The following ADGRG6 variants were observed in gnomAD, a reference collection of about 807,000 sequenced individuals.
ADGRG6 encodes adhesion G protein-coupled receptor G6, also known as G-protein coupled receptor 126.
In ADGRG6, 84 loss-of-function variants were observed where a neutral mutation model predicts 142.4. That is an observed-to-expected ratio of 0.59 (90% CI 0.49 to 0.71). ADGRG6 has a LOEUF of 0.71. Among genes scored for constraint, ADGRG6 ranks in the 30% least tolerant of loss-of-function variants. The probability of loss-of-function intolerance (pLI) is 0.00; values close to 1 mark genes in which losing one functional copy is unlikely to be tolerated. For missense variants in ADGRG6, 1,367 were observed against 1,466.6 expected (o/e 0.93, Z 1.11); for synonymous variants, 521 against 520.5 (o/e 1.00, Z -0.01).
chr6:142,422,809 C>A (rs62430161), intron 22 of ADGRG6, among the ~76,000 whole-genome samples: 25,405 of 138,478 alleles, frequency 0.18, 2,020 homozygotes, highest in South Asian at 0.21. Context: ...TATTTCTCCA[C>A]ATCCTCTCCA....
chr6:142,327,329 T>C (rs1030619230), intron 2 of ADGRG6, among the ~76,000 whole-genome samples: 1 of 151,978 alleles, frequency 6.6e-6, no homozygotes, highest in Non-Finnish European at 1.5e-5. Flanking sequence ...CAACTTTCTG[T>C]GTAAACTGGA....
At chr6:142,323,927 A>T (rs964904592) in intron 2 of ADGRG6, among the ~76,000 whole-genome samples, 2 of 151,940 alleles carry the variant, frequency 1.3e-5, no homozygotes, top group African/African-American at 4.8e-5. Context: ...CTTTTATACC[A>T]CTGTATTTTT....
chr6:142,412,973 T>A (rs895067233), intron 18 of ADGRG6, among the ~76,000 whole-genome samples: 4 of 152,118 alleles, frequency 2.6e-5, no homozygotes, highest in Admixed American at 2.6e-4. Flanking sequence ...CTAAATTTTA[T>A]TATGAGTTTG....
chr6:142,405,301 G>GTCCCTT (rs1490399417), intron 14 of ADGRG6: 1 of 455,930 alleles, frequency 2.2e-6, no homozygotes, highest in Non-Finnish European at 4.4e-6. Flanking sequence ...GTTAACTTCA[G>GTCCCTT]TCTCTTTCTC....
chr6:142,323,844 G>A (rs999336725), intron 2 of ADGRG6, among the ~76,000 whole-genome samples: 15 of 152,048 alleles, frequency 9.9e-5, no homozygotes, highest in African/African-American at 3.6e-4. Context: ...TTGGTCTGTC[G>A]TTGACTGAAA....
chr6:142,438,321 T>A lies in ADGRG6; in HGVS notation c.3531T>A (p.Ser1177=). The A allele has an allele frequency of 6.2e-7, 1 of 1,610,298 alleles. No homozygotes were observed. The highest frequency in any genetic ancestry group is 8.5e-7 in the Non-Finnish European group (1 of 1,177,784). ...ACTCAACCTATCTTACATCCAAATC[T>A]AAATCCAGCTCTACCACCTATTTCA... ...GSNSTYLTSK[S]KSSSTTYFKR... The change falls in exon 24 of 25, where the codon TCT becomes TCA. Residue 1177 remains serine, a synonymous_variant. Transcript: ENST00000367609.
intron 3 of ADGRG6, among the ~76,000 whole-genome samples, chr6:142,369,318 A>G (rs1008412962): frequency 1.3e-5 from 2 of 152,220 alleles, no homozygotes; most frequent in African/African-American, 4.8e-5. Context: ...TATTACAATA[A>G]TAGTACTTGC....
Position 142,383,773 on chromosome 6 carries a change from T to C in ADGRG6, c.1152T>C (p.Ser384=). ...LGTLCQATVN[S]PSTTPPTVTT... is the part of the protein sequence containing the mutation. ...CTTTATTACCAGCTACTGTAAACTC[T>C]CCTAGTACTACACCACCCACTGTCA... The change falls in exon 6 of 25, where the codon TCT becomes TCC. Residue 384 remains serine, a synonymous_variant. Transcript: ENST00000367609. 6.5e-7 allele frequency: 1 copy of C among 1,546,810 alleles called. No individual in the cohort carries two copies. Among genetic ancestry groups the C allele is most frequent in the Middle Eastern group, 1.7e-4 (1 of 5,934 alleles).
intron 2 of ADGRG6, among the ~76,000 whole-genome samples, chr6:142,315,531 T>A (rs1436088693): frequency 1.3e-5 from 2 of 152,082 alleles, no homozygotes; most frequent in Non-Finnish European, 2.9e-5. Context: ...ATAAACATCC[T>A]TTCCCCTCCA....
chr6:142,388,348 C>T (rs941004180), intron 6 of ADGRG6, among the ~76,000 whole-genome samples: 2 of 151,976 alleles, frequency 1.3e-5, no homozygotes, highest in African/African-American at 2.4e-5. Flanking sequence ...TAGAATTTTG[C>T]AATATTTTCC....
rs1181118989 is a variant in ADGRG6, at chr6:142,402,758, G to T, written c.1883G>T (p.Gly628Val). The change falls in exon 13 of 25, where the codon GGC becomes GTC. Residue 628 changes from glycine to valine, a missense_variant. Transcript: ENST00000367609. ...GAAGAAAACATTGATATAACACTTG[G>T]CTCAACTCTAATGAATATATTTTCT... The part of the protein sequence containing the change: ...NKEENIDITL[G>V]STLMNIFSNI... 10 of 1,600,628 alleles carry T rather than the reference G, an allele frequency of 6.2e-6. No individual in the cohort carries two copies. Among genetic ancestry groups the T allele is most frequent in the Non-Finnish European group, 7.7e-6 (9 of 1,168,710 alleles).
rs1162906544 is a variant in ADGRG6 at position 142,443,372 on chromosome 6, G to A, written c.3610G>A (p.Ala1204Thr). 1 of 1,612,280 alleles carries A rather than the reference G, an allele frequency of 6.2e-7. No homozygotes were observed. Among genetic ancestry groups the A allele is most frequent in the African/African-American group, 1.3e-5 (1 of 74,810 alleles). ...CATGGACAAGTCCTTGTCAAAACTG[G>A]CCCATGCTGATGGAGATCAAACATC... ...ASMDKSLSKLAHADGDQTSII... is the reference protein window; with the variant it reads ...ASMDKSLSKLTHADGDQTSII... The change falls in exon 25 of 25, where the codon GCC becomes ACC. Residue 1204 changes from alanine (A) to threonine (T), a missense_variant. Physicochemically the swap from Ala to Thr is moderately conservative, Grantham distance 58 (BLOSUM62 0). Transcript: ENST00000367609.
At chr6:142,342,900 A>T (rs2114730963) in intron 2 of ADGRG6, among the ~76,000 whole-genome samples, 1 of 151,910 alleles carries the variant, frequency 6.6e-6, no homozygotes, top group African/African-American at 2.4e-5. Flanking sequence ...ATATAAATGA[A>T]ATTTTGACCT....
chr6:142,416,538 T>G (rs1776367414), intron 20 of ADGRG6, among the ~76,000 whole-genome samples: 1 of 152,188 alleles, frequency 6.6e-6, no homozygotes, highest in Admixed American at 6.6e-5. Context: ...TGTAATAACA[T>G]GAGTCCTCAG....
chr6:142,418,076 C>G (rs1776459501), intron 21 of ADGRG6, among the ~76,000 whole-genome samples: 1 of 151,988 alleles, frequency 6.6e-6, no homozygotes, highest in African/African-American at 2.4e-5. Flanking sequence ...GGGTATATCA[C>G]CTGAGGTCAG....
intron 2 of ADGRG6, among the ~76,000 whole-genome samples, chr6:142,357,513 A>AT (rs1186049443): frequency 6.6e-6 from 1 of 152,208 alleles, no homozygotes; most frequent in Non-Finnish European, 1.5e-5. Context: ...AAGGGGAAAA[A>AT]TTATGCTGGT....
intron 16 of ADGRG6, among the ~76,000 whole-genome samples, chr6:142,409,457 TG>T (rs1775974439): frequency 6.6e-6 from 1 of 152,320 alleles, no homozygotes; most frequent in South Asian, 2.1e-4. Context: ...TTGTGAATAA[TG>T]CTACTGTGAG....
chr6:142,385,154 G>A (rs550016535), intron 6 of ADGRG6, among the ~76,000 whole-genome samples: 1 of 152,246 alleles, frequency 6.6e-6, no homozygotes, highest in East Asian at 1.9e-4. Context: ...GTGCTTCAGA[G>A]TCCTTGACTT....
At chr6:142,416,597 C>A (rs1239445201) in intron 20 of ADGRG6, among the ~76,000 whole-genome samples, 1 of 152,090 alleles carries the variant, frequency 6.6e-6, no homozygotes, top group Non-Finnish European at 1.5e-5. Flanking sequence ...CTATTGTGCT[C>A]CCTTATTTTT....
Sources: gnomAD v4.1 joint callset for allele counts (sites outside exome capture counted in the v4.1 genomes callset) on GRCh38, gnomAD v4.1.1 for gene constraint, MANE v1.5 for transcripts, NCBI Gene and HGNC (gene_info 2026-07-23, HGNC 2026-07-21) for gene names.